FER: variants seen among roughly 807,000 people sequenced by gnomAD.
FER encodes the protein FER tyrosine kinase, also known as tyrosine-protein kinase Fer.
Under a neutral mutation model 111.0 loss-of-function variants are expected in FER, and 63 were observed. The ratio of observed to expected loss-of-function variants is 0.57; its 90% CI spans 0.46 to 0.70. The LOEUF (loss-of-function observed/expected upper bound fraction) is 0.70. Ranked by LOEUF, FER falls within the 30% of genes least tolerant of loss-of-function variation. The pLI is 0.00. For missense variants in FER, 914 were observed against 954.0 expected (o/e 0.96, Z 0.55); for synonymous variants, 327 against 313.9 (o/e 1.04, Z -0.44).
intron 13 of FER, among the ~76,000 whole-genome samples, chr5:108,987,904 C>T (rs1762754009): frequency 6.6e-6 from 1 of 152,068 alleles, no homozygotes; most frequent in South Asian, 2.1e-4. Context: ...AACTTTTTCC[C>T]ATTCAATATT....
intron 5 of FER, among the ~76,000 whole-genome samples, chr5:108,848,190 CT>C (rs1487384516): frequency 6.6e-6 from 1 of 152,142 alleles, no homozygotes; most frequent in Admixed American, 6.5e-5. Context: ...TATCTATATT[CT>C]TTTTTCATAC....
intron 3 of FER, among the ~76,000 whole-genome samples, chr5:108,828,959 A>G (rs373553414): frequency 1.3e-5 from 2 of 152,236 alleles, no homozygotes; most frequent in South Asian, 2.1e-4. Context: ...AAAAAGAATT[A>G]TCTTCCACAA....
At chr5:109,031,814 A>C (rs78133035) in intron 13 of FER, among the ~76,000 whole-genome samples, 6,934 of 152,220 alleles carry the variant, frequency 0.046, 250 homozygotes, top group South Asian at 0.11. Flanking sequence ...TTCTAGCACA[A>C]TATGGCTTCC....
intron 17 of FER, among the ~76,000 whole-genome samples, chr5:109,106,094 A>T (rs1197428516): frequency 1.3e-5 from 2 of 152,240 alleles, no homozygotes; most frequent in Admixed American, 1.3e-4. Context: ...AATCTACTCT[A>T]CTGCCTTGTA....
chr5:108,958,420 G>A (rs574008929), intron 12 of FER, among the ~76,000 whole-genome samples: 71 of 151,776 alleles, frequency 4.7e-4, no homozygotes, highest in Non-Finnish European at 8.9e-4. Context: ...TTCTTGCTTT[G>A]AAAAATATGG....
intron 13 of FER, among the ~76,000 whole-genome samples, chr5:108,962,158 C>T (rs1424591787): frequency 6.6e-6 from 1 of 152,172 alleles, no homozygotes; most frequent in African/African-American, 2.4e-5. Context: ...AACTTTCTCA[C>T]TTTATGAAAA....
Position 108,798,364 on chromosome 5 carries a change from T to C in FER, c.182T>C (p.Met61Thr). Residue 61 changes from methionine to threonine, a missense_variant, in exon 3 of 20, where the codon ATG (methionine) becomes ACG (threonine). This residue lies in a region of FER where 774 missense variants were observed against 782.6 expected (regional missense o/e 0.99). Coordinates refer to ENST00000281092, the MANE Select transcript of FER (RefSeq NM_005246.4). ...NQVDKESTVQMNYVSNVSKSW... is the reference protein window; with the variant it reads ...NQVDKESTVQTNYVSNVSKSW... ...GTTGATAAGGAAAGTACTGTCCAAATGAATTATGTCAGCAACGTATCCAAG... is the reference window on the plus strand; with the variant it reads ...GTTGATAAGGAAAGTACTGTCCAAACGAATTATGTCAGCAACGTATCCAAG... 6 of 1,613,444 alleles carry C rather than the reference T, an allele frequency of 3.7e-6. No homozygotes were observed. The highest frequency in any genetic ancestry group is 5.1e-6 in the Non-Finnish European group (6 of 1,179,542).
chr5:109,108,750 T>G (rs981891278), intron 17 of FER, among the ~76,000 whole-genome samples: 1 of 152,172 alleles, frequency 6.6e-6, no homozygotes, highest in African/African-American at 2.4e-5. Flanking sequence ...TTGATCAAAT[T>G]CTGGGGAATT....
Position 108,969,536 on chromosome 5 carries a change from T to C in FER, c.1656+10189T>C, listed in dbSNP as rs920021887. ...ATACAATAAACAATAACAGATTACATGTTTGGGGAGGTGGTTGAAATTGAA... is the reference window on the plus strand; with the variant it reads ...ATACAATAAACAATAACAGATTACACGTTTGGGGAGGTGGTTGAAATTGAA... On this transcript the variant is annotated intron_variant, in intron 13 of 19. Transcript: ENST00000281092. Among the ~76,000 whole-genome samples, 6 of 152,102 alleles carry C rather than the reference T, an allele frequency of 3.9e-5. No individual in the cohort carries two copies. In the East Asian group the frequency reaches 7.7e-4, roughly 20 times the overall value.
rs77515605 is a variant in FER, at chr5:109,178,907, A to G, written c.2049-1840A>G. Reference sequence around the variant, plus strand: ...TTAATTTGGGCAGAATTGCCATATTAATATTCACATATTTTTTAATTAATA... The same window carrying G: ...TTAATTTGGGCAGAATTGCCATATTGATATTCACATATTTTTTAATTAATA... On this transcript the variant is annotated intron_variant, in intron 17 of 19. Transcript: ENST00000281092. Among the ~76,000 whole-genome samples, 515 of 152,328 alleles carry G rather than the reference A, an allele frequency of 3.4e-3. 5 individuals are homozygous for G. Among genetic ancestry groups the G allele is most frequent in the Admixed American group, 6.8e-3 (104 of 15,300 alleles).
At chr5:109,022,598 C>T (rs1768079041) in intron 13 of FER, among the ~76,000 whole-genome samples, 1 of 151,888 alleles carries the variant, frequency 6.6e-6, no homozygotes, top group African/African-American at 2.4e-5. Context: ...GACATTGGGC[C>T]CCACAAAGGC....
rs1381455501 is a variant in FER at position 108,835,190 on chromosome 5, C to CA, written c.382-518_382-517insA. ...TTATTTCTTCGTTTGCGCCACCCCCCCCCCCCCACTTTTTTTTTGAGTCAA... is the reference window on the plus strand; with the variant it reads ...TTATTTCTTCGTTTGCGCCACCCCCCACCCCCCCACTTTTTTTTTGAGTCAA... On this transcript the variant is annotated intron_variant, in intron 4 of 19. Transcript: ENST00000281092. 4.3e-5 allele frequency among the ~76,000 whole-genome samples: 5 copies of CA among 116,496 alleles called. 1 individual carries two copies. Among genetic ancestry groups the CA allele is most frequent in the Admixed American group, 4.1e-4 (5 of 12,160 alleles). The allele number at this position is 116,496 out of a possible 152,430, so 76.4% of individuals were successfully genotyped here. A position where few individuals can be genotyped will look rare whatever the true frequency, so the allele number is the denominator to read the frequency against.
intron 3 of FER, among the ~76,000 whole-genome samples, chr5:108,803,725 T>G (rs1187699088): frequency 6.6e-6 from 1 of 152,192 alleles, no homozygotes; most frequent in Non-Finnish European, 1.5e-5. Context: ...CATGCTGTTT[T>G]GGTTATTGTA....
chr5:108,930,090 A>G (rs1754345891), intron 10 of FER, among the ~76,000 whole-genome samples: 1 of 152,020 alleles, frequency 6.6e-6, no homozygotes, highest in Non-Finnish European at 1.5e-5. Context: ...GTTTGAATCT[A>G]TGTATGATTC....
chr5:109,114,281 A>G (rs1749975948), intron 17 of FER, among the ~76,000 whole-genome samples: 1 of 152,126 alleles, frequency 6.6e-6, no homozygotes, highest in Non-Finnish European at 1.5e-5. Flanking sequence ...CCCAGTAGCT[A>G]TCAATTATTA....
At chr5:108,806,025 T>C (rs1757168948) in intron 3 of FER, among the ~76,000 whole-genome samples, 1 of 152,170 alleles carries the variant, frequency 6.6e-6, no homozygotes. Context: ...ATCATAGGCC[T>C]GGAGGCCTAG....
intron 17 of FER, among the ~76,000 whole-genome samples, chr5:109,139,350 C>CTTTCTTTTTTTT (rs759020944): frequency 1.1e-5 from 1 of 91,114 alleles, no homozygotes; most frequent in African/African-American, 4.4e-5. Flanking sequence ...TTCTTTCTTT[C>CTTTCTTTTTTTT]TTTTTTTTTT....
chr5:109,085,668 A>G (rs1273068394), intron 16 of FER, among the ~76,000 whole-genome samples: 1 of 151,738 alleles, frequency 6.6e-6, no homozygotes, highest in Non-Finnish European at 1.5e-5. Flanking sequence ...ACCATTAAGT[A>G]TGGTGATAGA....
chr5:108,838,242 G>C (rs1031037786), intron 5 of FER, among the ~76,000 whole-genome samples: 1 of 152,110 alleles, frequency 6.6e-6, no homozygotes, highest in African/African-American at 2.4e-5. Flanking sequence ...CTTTATGTCA[G>C]AACCTTAGTT....
Sources: gnomAD v4.1 joint callset for allele counts (sites outside exome capture counted in the v4.1 genomes callset) on GRCh38, gnomAD v4.1.1 for gene constraint, gnomAD v4.1.1 regional missense constraint, MANE v1.5 for transcripts, NCBI Gene and HGNC (gene_info 2026-07-23, HGNC 2026-07-21) for gene names.